MS4A4E: variants seen among roughly 807,000 people sequenced by gnomAD.
MS4A4E encodes membrane spanning 4-domains A4E, also known as putative membrane-spanning 4-domains subfamily A member 4E.
A neutral mutation model predicts 13.3 loss-of-function variants in MS4A4E; 23 were observed. The ratio of observed to expected loss-of-function variants is 1.73; its 90% CI spans 1.25 to 2.45. The LOEUF (loss-of-function observed/expected upper bound fraction) is 2.45, where lower values mean the gene tolerates loss of function less well. Ranked by LOEUF, MS4A4E falls within the 30% of genes most tolerant of loss-of-function variation. MS4A4E has a pLI of 0.00. For missense variants in MS4A4E, 144 were observed against 131.2 expected (o/e 1.10, Z -0.48); for synonymous variants, 36 against 45.6 (o/e 0.79, Z 0.85).
intron 1 of MS4A4E, among the ~76,000 whole-genome samples, chr11:60,233,289 G>A (rs938247567): frequency 6.6e-6 from 1 of 152,128 alleles, no homozygotes; most frequent in Non-Finnish European, 1.5e-5. Flanking sequence ...TGCTATGCCC[G>A]ATTGTCTCTG....
intron 1 of MS4A4E, among the ~76,000 whole-genome samples, chr11:60,233,047 A>T (rs2134966925): frequency 6.6e-6 from 1 of 152,182 alleles, no homozygotes; most frequent in Middle Eastern, 3.4e-3. Context: ...CCTCCCCGGA[A>T]CTGACCTGTC....
intron 3 of MS4A4E, among the ~76,000 whole-genome samples, chr11:60,223,200 C>A (rs2084294894): frequency 6.6e-6 from 1 of 152,182 alleles, no homozygotes; most frequent in South Asian, 2.1e-4. Flanking sequence ...TTTCCTCCTT[C>A]TTTTGTTAAG....
chr11:60,234,121 A>G (rs781006920), intron 1 of MS4A4E, among the ~76,000 whole-genome samples: 15 of 152,096 alleles, frequency 9.9e-5, no homozygotes, highest in Admixed American at 2.0e-4. Context: ...TCTCACCATT[A>G]TATTTTGGAA....
chr11:60,206,505 A>ATATATATATG (rs2084049030), intron 6 of MS4A4E, among the ~76,000 whole-genome samples: 1 of 37,244 alleles, frequency 2.7e-5, no homozygotes. Flanking sequence ...ATATACGTAT[A>ATATATATATG]TATATATACA....
In MS4A4E at chr11:60,214,594, C is replaced by T. The variant is rs2084166795; in HGVS notation, c.199G>A (p.Gly67Arg). The T allele has an allele frequency of 6.5e-6, 10 of 1,532,132 alleles. No homozygotes were observed. The East Asian group carries it at 2.4e-4, about 37-fold the overall frequency. 94.9% of individuals were successfully genotyped at this position (1,532,132 alleles called of 1,614,324 possible). A position where few individuals can be genotyped will look rare whatever the true frequency, so the allele number is the denominator to read the frequency against. Residue 67 changes from glycine (G) to arginine (R), a missense_variant, in exon 4 of 9, where the codon GGA (glycine) becomes AGA (arginine). This residue lies in a region of MS4A4E where 119 missense variants were observed against 88.7 expected (regional missense o/e 1.34). Coordinates refer to ENST00000651255, the MANE Select transcript of MS4A4E (RefSeq NM_001393391.1). ...ACCAGACCTTTTGTTGTTCTAATTC[C>T]TGCTGCAACTGATAAGGATACTGAA... ...THSVSLSVAA[G>R]IRTTKGLVGG... is the part of the protein sequence containing the mutation.
chr11:60,234,652 A>AAGAAATGT, intron 1 of MS4A4E, among the ~76,000 whole-genome samples: 1 of 152,236 alleles, frequency 6.6e-6, no homozygotes, highest in East Asian at 1.9e-4. Context: ...CTAGAACTAT[A>AAGAAATGT]AGAACTGTAG....
intron 3 of MS4A4E, among the ~76,000 whole-genome samples, chr11:60,215,490 G>C (rs2084181790): frequency 6.6e-6 from 1 of 151,538 alleles, no homozygotes; most frequent in Non-Finnish European, 1.5e-5. Context: ...GTGTTGATAG[G>C]ATAGGACATT....
rs987354190 is a variant in MS4A4E, at chr11:60,208,569, C to G, written c.483+24G>C. On this transcript the variant is annotated intron_variant, in intron 6 of 8. Coordinates refer to ENST00000651255, the MANE Select transcript of MS4A4E (RefSeq NM_001393391.1). ...AGCAATACAAAAGTAATACAGATAC[C>G]TTCAAATGAAGGCCAATACTGACCT... The G allele has an allele frequency of 1.3e-5, 12 of 890,106 alleles. No homozygotes were observed. The African/African-American group carries it at 1.6e-4, about 12-fold the overall frequency. The allele number at this position is 890,106 out of a possible 1,614,324, so 55.1% of individuals were successfully genotyped here.
At chr11:60,203,818 T>C (rs1443376019) in intron 8 of MS4A4E, among the ~76,000 whole-genome samples, 1 of 152,220 alleles carries the variant, frequency 6.6e-6, no homozygotes, top group African/African-American at 2.4e-5. Context: ...GGCAAAGTTT[T>C]CATGGACGTT....
At chr11:60,221,570 G>C (rs1442476629) in intron 3 of MS4A4E, among the ~76,000 whole-genome samples, 1 of 152,202 alleles carries the variant, frequency 6.6e-6, no homozygotes, top group African/African-American at 2.4e-5. Flanking sequence ...ATCCCTGAAG[G>C]ACAGCGGTGA....
chr11:60,210,142 G>A (rs1395296404), intron 5 of MS4A4E, among the ~76,000 whole-genome samples: 1 of 152,168 alleles, frequency 6.6e-6, no homozygotes, highest in Non-Finnish European at 1.5e-5. Context: ...TAACACAAAA[G>A]CAGCAATACA....
intron 4 of MS4A4E, among the ~76,000 whole-genome samples, chr11:60,214,033 T>C (rs1389578932): frequency 6.6e-6 from 1 of 151,932 alleles, no homozygotes; most frequent in African/African-American, 2.4e-5. Flanking sequence ...GCCTCCTGAG[T>C]AGCTGGGATT....
Position 60,224,956 on chromosome 11 carries a change from C to G in MS4A4E, c.178+3638G>C, listed in dbSNP as rs781645721. The G allele has an allele frequency of 2.1e-5, 31 of 1,500,438 alleles. No individual in the cohort carries two copies. The East Asian group carries it at 7.4e-4, about 36-fold the overall frequency. The allele number at this position is 1,500,438 out of a possible 1,614,324, so 92.9% of individuals were successfully genotyped here. ...TATATCCAATTATATCAAAAAATAC[C>G]CTGCTTACCATCACTGACCCCCAAA... On this transcript the variant is annotated intron_variant, in intron 3 of 8. Transcript: ENST00000651255.
intron 4 of MS4A4E, 31 bp from the exon 5 acceptor site, chr11:60,213,163 C>T: frequency 1.1e-6 from 1 of 895,668 alleles, no homozygotes; most frequent in Non-Finnish European, 1.7e-6. Context: ...ATTAAGCAAT[C>T]CAACATCATC....
intron 3 of MS4A4E, among the ~76,000 whole-genome samples, chr11:60,220,823 G>A (rs1010015815): frequency 6.6e-6 from 1 of 152,132 alleles, no homozygotes; most frequent in Non-Finnish European, 1.5e-5. Flanking sequence ...GGCTTATTTG[G>A]GTTTTGGAGG....
chr11:60,236,638 T>C (rs78614968), intron 1 of MS4A4E, among the ~76,000 whole-genome samples: 5,113 of 152,194 alleles, frequency 0.034, 125 homozygotes, highest in Non-Finnish European at 0.05. Context: ...ATATATTTAA[T>C]TTAACTTTTA....
chr11:60,201,694 A>G lies in MS4A4E; in HGVS notation c.845T>C (p.Val282Ala), dbSNP rs2083992483. Residue 282 changes from valine to alanine, a missense_variant, in exon 9 of 9, where the codon GTG becomes GCG. Transcript: ENST00000651255. ...VSAWPPIVWD[V>A]RSPSAWLPSL... is the part of the protein sequence containing the mutation. ...GGGCAGCCAGGCAGAGGGGCTCCTCACGTCCCAGACGATAGGCGGCCAGGC... is the reference window on the plus strand; with the variant it reads ...GGGCAGCCAGGCAGAGGGGCTCCTCGCGTCCCAGACGATAGGCGGCCAGGC... The G allele has an allele frequency of 4.2e-6, 1 of 239,220 alleles. No homozygotes were observed. The highest frequency in any genetic ancestry group is 5.5e-5 in the Admixed American group (1 of 18,134). 14.8% of individuals were successfully genotyped at this position (239,220 alleles called of 1,614,324 possible).
chr11:60,208,412 C>A (rs1252232889), intron 6 of MS4A4E, among the ~76,000 whole-genome samples, 181 bp downstream of exon 6: 3 of 152,148 alleles, frequency 2.0e-5, no homozygotes, highest in African/African-American at 7.2e-5. Flanking sequence ...CCGGCCAACT[C>A]CCTGATGACA....
intron 4 of MS4A4E, 134 bp from the exon 5 acceptor site, chr11:60,213,266 C>T: frequency 6.5e-7 from 1 of 1,534,754 alleles, no homozygotes. Context: ...GTGGTTTCAA[C>T]TCTGATCTCT....
Sources: gnomAD v4.1 joint callset for allele counts (sites outside exome capture counted in the v4.1 genomes callset) on GRCh38, gnomAD v4.1.1 for gene constraint, gnomAD v4.1.1 regional missense constraint, MANE v1.5 for transcripts, NCBI Gene and HGNC (gene_info 2026-07-23, HGNC 2026-07-21) for gene names.